The following UCK1 variants were observed in gnomAD, a reference collection of about 807,000 sequenced individuals.
The protein encoded by UCK1 is cytidine monophosphokinase 1.
Under a neutral mutation model 34.0 loss-of-function variants are expected in UCK1, and 20 were observed. The ratio of observed to expected loss-of-function variants is 0.59; its 90% confidence interval spans 0.41 to 0.86. The LOEUF (loss-of-function observed/expected upper bound fraction) is 0.86. Ranked by LOEUF, UCK1 falls within the 40% of genes least tolerant of loss-of-function variation. The pLI is 0.00. For missense variants in UCK1, 343 were observed against 383.6 expected (o/e 0.89, Z 0.88); for synonymous variants, 168 against 155.9 (o/e 1.08, Z -0.58).
chr9:131,525,984 G>A lies in UCK1; in HGVS notation c.604-7C>T, dbSNP rs1207510873. On this transcript the variant is annotated splice_region_variant and splice_polypyrimidine_tract_variant and intron_variant, in intron 5 of 6. Transcript: ENST00000372215. ...CATCGGCATACTTCTTTGTCTGTAA[G>A]GCACAAGGGGGGGTGTTCCTGTGAG... is the stretch of plus-strand genomic sequence containing the variant. 6.2e-7 allele frequency: 1 copy of A among 1,613,856 alleles called. No individual in the cohort carries two copies. Among genetic ancestry groups the A allele is most frequent in the African/African-American group, 1.3e-5 (1 of 74,896 alleles).
intron 5 of UCK1, among the ~76,000 whole-genome samples, chr9:131,528,104 G>A (rs1233495961): frequency 6.6e-6 from 1 of 151,888 alleles, no homozygotes; most frequent in Non-Finnish European, 1.5e-5. Context: ...AACTTGGGAG[G>A]TGGAGTTTGG....
chr9:131,524,607 TA>T lies in UCK1; in HGVS notation c.*432del. 1 of 142,010 alleles carries T rather than the reference TA, an allele frequency of 7.0e-6. No homozygotes were observed. The highest frequency in any genetic ancestry group is 4.2e-4 in the East Asian group (1 of 2,402). 8.8% of individuals were successfully genotyped at this position (142,010 alleles called of 1,614,324 possible). ...GTACTTGTTCACAAAACTTTTGAGTTATGTGTGTGAGTGTGTAAGAACCAGA... is the reference window on the plus strand; with the variant it reads ...GTACTTGTTCACAAAACTTTTGAGTTTGTGTGTGAGTGTGTAAGAACCAGA... On this transcript the variant is annotated 3_prime_UTR_variant, in exon 7 of 7. Coordinates refer to ENST00000372215, the MANE Select transcript of UCK1 (RefSeq NM_031432.5).
chr9:131,524,648 A>ACTC lies in UCK1; in HGVS notation c.*389_*391dup. On this transcript the variant is annotated 3_prime_UTR_variant, in exon 7 of 7. Coordinates refer to ENST00000372215, the MANE Select transcript of UCK1 (RefSeq NM_031432.5). ...TAAGAACCAGATCAGACTGGAAAAA[A>ACTC]CTCTCTCCCACTGTGGGTTCACTGT... 1 of 184,266 alleles carries ACTC rather than the reference A, an allele frequency of 5.4e-6. No individual in the cohort carries two copies. The highest frequency in any genetic ancestry group is 1.1e-5 in the Non-Finnish European group (1 of 90,404). The allele number at this position is 184,266 out of a possible 1,614,324, so 11.4% of individuals were successfully genotyped here.
At chr9:131,530,877 G>A (rs940247587) in intron 1 of UCK1, among the ~76,000 whole-genome samples, 190 bp downstream of exon 1, 1 of 152,126 alleles carries the variant, frequency 6.6e-6, no homozygotes, top group Non-Finnish European at 1.5e-5. Flanking sequence ...GGGGAGCCCC[G>A]AGGCCCAGCG....
intron 1 of UCK1, 35 bp downstream of exon 1, chr9:131,531,032 C>A (rs1412805836): frequency 6.8e-6 from 9 of 1,329,178 alleles, no homozygotes; most frequent in Non-Finnish European, 7.7e-6. Context: ...TAGGCACCGG[C>A]GAGAGGCGAG....
rs755335414 is a variant in UCK1 at position 131,531,195 on chromosome 9, A to T, written c.-21T>A. 2.3e-5 allele frequency: 31 copies of T among 1,376,654 alleles called. No homozygotes were observed. The highest frequency in any genetic ancestry group is 3.1e-5 in the South Asian group (2 of 65,132). The allele number at this position is 1,376,654 out of a possible 1,614,324, so 85.3% of individuals were successfully genotyped here. A position where few individuals can be genotyped will look rare whatever the true frequency, so the allele number is the denominator to read the frequency against. On this transcript the variant is annotated 5_prime_UTR_variant, in exon 1 of 7. It removes an upstream start codon present in the reference 5' UTR. Transcript: ENST00000372215. Reference sequence around the variant, plus strand: ...GCCATCTCGGCCTCCGCTCCCGCGCATCGGGTCCCCGCGCCCGCCCCTTCC... The same window carrying T: ...GCCATCTCGGCCTCCGCTCCCGCGCTTCGGGTCCCCGCGCCCGCCCCTTCC...
chr9:131,530,960 C>A (rs1046285566), intron 1 of UCK1, 107 bp downstream of exon 1: 1 of 1,078,848 alleles, frequency 9.3e-7, no homozygotes, highest in South Asian at 2.5e-5. Context: ...CGCGCCCTGC[C>A]CCTGCCTGGC....
Position 131,524,965 on chromosome 9 carries a change from T to C in UCK1, c.*75A>G, listed in dbSNP as rs1194970474. 4 of 1,529,840 alleles carry C rather than the reference T, an allele frequency of 2.6e-6. No individual in the cohort carries two copies. The highest frequency in any genetic ancestry group is 3.5e-6 in the Non-Finnish European group (4 of 1,132,920). The allele number at this position is 1,529,840 out of a possible 1,614,324, so 94.8% of individuals were successfully genotyped here. ...GTGCGCCGAGAGGAAGCAGTGGGTG[T>C]GGGTGGGCGTCCCCAGGCTCAGTCC... On this transcript the variant is annotated 3_prime_UTR_variant, in exon 7 of 7. Coordinates refer to ENST00000372215, the MANE Select transcript of UCK1 (RefSeq NM_031432.5).
chr9:131,525,297 G>C (rs147236184), intron 6 of UCK1, 76 bp from the exon 7 acceptor site: 3 of 1,586,894 alleles, frequency 1.9e-6, no homozygotes, highest in East Asian at 2.2e-5. Context: ...CGCAGCACTC[G>C]GCCAGGAGTG....
Position 131,529,023 on chromosome 9 carries a change from C to T in UCK1, c.524G>A (p.Arg175His), listed in dbSNP as rs374601384. The T allele has an allele frequency of 1.2e-5, 19 of 1,613,956 alleles. No individual in the cohort carries two copies. The highest frequency in any genetic ancestry group is 4.0e-5 in the African/African-American group (3 of 74,928). ...AATCTGCTCCAGGTCCCTCCCTCGGCGCACGTCCCGGAGAACTGCAGCGGC... is the reference window on the plus strand; with the variant it reads ...AATCTGCTCCAGGTCCCTCCCTCGGTGCACGTCCCGGAGAACTGCAGCGGC... ...RLSRRVLRDV[R>H]RGRDLEQILT... The change falls in exon 5 of 7, where the codon CGC (arginine) becomes CAC (histidine). Residue 175 changes from arginine to histidine, a missense_variant. By Grantham distance (29) the Arg-to-His change is conservative. Transcript: ENST00000372215.
At chr9:131,530,426 T>A (rs1379582626) in intron 2 of UCK1, 60 bp downstream of exon 2, 1 of 1,598,864 alleles carries the variant, frequency 6.3e-7, no homozygotes, top group African/African-American at 1.3e-5. Context: ...CAAGCGCAGC[T>A]GGTTAGCGGC....
At position 131,530,744 on chromosome 9, in the gene UCK1, G is replaced by GT. The variant is rs1217674156; in HGVS notation, c.109-100dup. 8.7e-6 allele frequency: 14 copies of GT among 1,608,004 alleles called. 1 individual carries two copies. Among genetic ancestry groups the GT allele is most frequent in the South Asian group, 2.2e-5 (2 of 90,872 alleles). ...CACTGACCCACCCGCCCCCTGGGGG[G>GT]TATGCTCGGAAGGCGGGAGGACACC... On this transcript the variant is annotated intron_variant, in intron 1 of 6. Coordinates refer to ENST00000372215, the MANE Select transcript of UCK1 (RefSeq NM_031432.5).
chr9:131,529,367 A>C, intron 3 of UCK1, 97 bp from the exon 4 acceptor site: 1 of 1,601,160 alleles, frequency 6.2e-7, no homozygotes, highest in Non-Finnish European at 8.5e-7. Flanking sequence ...GACTGTGGGA[A>C]GGGGTGGGGG....
At chr9:131,528,612 G>A (rs765742894) in intron 5 of UCK1, among the ~76,000 whole-genome samples, 5 of 152,208 alleles carry the variant, frequency 3.3e-5, no homozygotes, top group African/African-American at 4.8e-5. Flanking sequence ...TAAGTGCCCC[G>A]GAAAAAGGAA....
In UCK1 at chr9:131,531,075, T is replaced by C; in HGVS notation, c.100A>G (p.Ser34Gly). 7.1e-7 allele frequency: 1 copy of C among 1,407,448 alleles called. No homozygotes were observed. Among genetic ancestry groups the C allele is most frequent in the Non-Finnish European group, 9.2e-7 (1 of 1,083,224 alleles). The allele number at this position is 1,407,448 out of a possible 1,614,324, so 87.2% of individuals were successfully genotyped here. A position where few individuals can be genotyped will look rare whatever the true frequency, so the allele number is the denominator to read the frequency against. Residue 34 changes from serine to glycine, a missense_variant, in exon 1 of 7, where the codon AGC becomes GGC. By Grantham distance (56) the Ser-to-Gly change is moderately conservative. Transcript: ENST00000372215. ...FLIGVSGGTA[S>G]GKSTVCEKIM... ...CCCGCTCGGCCCCTTACCTTCCCGC[T>C]GGCAGTGCCGCCGCTCACCCCTATC... is the stretch of plus-strand genomic sequence containing the variant.
In UCK1 at chr9:131,529,559, G is replaced by C; in HGVS notation, c.294C>G (p.His98Gln). 6.2e-7 allele frequency: 1 copy of C among 1,614,160 alleles called. No individual in the cohort carries two copies. Among genetic ancestry groups the C allele is most frequent in the African/African-American group, 1.3e-5 (1 of 75,044 alleles). ...CCTCCACGATGTTCTTCAGAGTCCTGTGCATCAAATCATTATCAAAGGCAT... is the reference window on the plus strand; with the variant it reads ...CCTCCACGATGTTCTTCAGAGTCCTCTGCATCAAATCATTATCAAAGGCAT... ...HPDAFDNDLM[H>Q]RTLKNIVEGK... Residue 98 changes from histidine to glutamine, a missense_variant, in exon 3 of 7, where the codon CAC (histidine) becomes CAG (glutamine). Physicochemically the swap from His to Gln is conservative, Grantham distance 24. Transcript: ENST00000372215.
In UCK1 at chr9:131,529,219, G is replaced by A. The variant is rs1950733842; in HGVS notation, c.417C>T (p.Gly139=). Reference sequence around the variant, plus strand: ...TCTCCTGGCTGTAGAACACCAAGATGCCCTCAAACAGAACCACGTCCGCAG... The same window carrying A: ...TCTCCTGGCTGTAGAACACCAAGATACCCTCAAACAGAACCACGTCCGCAG... The part of the protein sequence containing the change: ...VYPADVVLFE[G]ILVFYSQEIR... Residue 139 remains glycine, a synonymous_variant, in exon 4 of 7, where the codon GGC becomes GGT. Transcript: ENST00000372215. 2 of 1,614,178 alleles carry A rather than the reference G, an allele frequency of 1.2e-6. No individual in the cohort carries two copies. Among genetic ancestry groups the A allele is most frequent in the African/African-American group, 1.3e-5 (1 of 75,060 alleles).
At position 131,531,087 on chromosome 9, in the gene UCK1, CG is replaced by C; in HGVS notation, c.87del (p.Ser29ArgfsTer34). 2 of 1,430,444 alleles carry C rather than the reference CG, an allele frequency of 1.4e-6. No homozygotes were observed. Among genetic ancestry groups the C allele is most frequent in the Non-Finnish European group, 9.1e-7 (1 of 1,094,292 alleles). The allele number at this position is 1,430,444 out of a possible 1,614,324, so 88.6% of individuals were successfully genotyped here. On this transcript the variant is annotated frameshift_variant, in exon 1 of 7. Coordinates refer to ENST00000372215, the MANE Select transcript of UCK1 (RefSeq NM_031432.5). LOFTEE classifies it high-confidence loss of function. ...CTTACCTTCCCGCTGGCAGTGCCGC[CG>C]CTCACCCCTATCAGGAAGGGCCGCT... ...PHQRPFLIGV[S>X]GGTASGKSTV... is the part of the protein sequence containing the mutation.
Position 131,525,919 on chromosome 9 carries a change from AGCT to A in UCK1, c.652+7_652+9del, listed in dbSNP as rs779417605. 26 of 1,613,698 alleles carry A rather than the reference AGCT, an allele frequency of 1.6e-5. No individual in the cohort carries two copies. The highest frequency in any genetic ancestry group is 3.3e-4 in the Middle Eastern group (2 of 6,060). ...GGGCGGGGGGACAGCCCAGCAGGCC[AGCT>A]TCTTACCCATATTGTCCACTCCTCG... On this transcript the variant is annotated splice_region_variant and intron_variant, in intron 6 of 6. Transcript: ENST00000372215.
Sources: gnomAD v4.1 joint callset for allele counts (sites outside exome capture counted in the v4.1 genomes callset) on GRCh38, gnomAD v4.1.1 for gene constraint, MANE v1.5 for transcripts, NCBI Gene and HGNC (gene_info 2026-07-23, HGNC 2026-07-21) for gene names.